CADPS2: variants seen among roughly 807,000 people sequenced by gnomAD.
CADPS2 encodes calcium-dependent secretion activator 2.
A neutral mutation model predicts 172.5 loss-of-function variants in CADPS2; 93 were observed. That is an observed-to-expected ratio of 0.54 (90% confidence interval 0.46 to 0.64). The LOEUF is 0.64. Among genes scored for constraint, CADPS2 ranks in the 30% least tolerant of loss-of-function variants. The probability of loss-of-function intolerance (pLI) is 0.00; values close to 1 mark genes in which losing one functional copy is unlikely to be tolerated. For synonymous variants in CADPS2, 546 were observed against 555.2 expected (o/e 0.98, Z 0.23); for missense variants, 1,420 against 1,565.9 (o/e 0.91, Z 1.57).
chr7:122,670,459 C>T (rs1218731180), intron 2 of CADPS2, among the ~76,000 whole-genome samples: 2 of 149,038 alleles, frequency 1.3e-5, no homozygotes, highest in Non-Finnish European at 3.0e-5. Context: ...TAGTCCCAGC[C>T]ACTCGGGAGG....
intron 13 of CADPS2, among the ~76,000 whole-genome samples, chr7:122,472,833 A>G (rs2056154079): frequency 6.6e-6 from 1 of 152,036 alleles, no homozygotes; most frequent in South Asian, 2.1e-4. Flanking sequence ...GAATTAATGA[A>G]CTGTTAGTGT....
chr7:122,553,478 T>G (rs1037557239), intron 8 of CADPS2, among the ~76,000 whole-genome samples: 28 of 152,132 alleles, frequency 1.8e-4, no homozygotes, highest in Non-Finnish European at 3.8e-4. Flanking sequence ...GCCCACCCTC[T>G]CATGTACTTT....
chr7:122,655,487 T>C (rs2430044), intron 3 of CADPS2, among the ~76,000 whole-genome samples: 80,920 of 151,974 alleles, frequency 0.53, 21,807 homozygotes, highest in East Asian at 0.73. Context: ...GGTAGCATTT[T>C]TTAAAACAAG....
chr7:122,363,325 A>C (rs1429977555), intron 25 of CADPS2, among the ~76,000 whole-genome samples: 1 of 152,200 alleles, frequency 6.6e-6, no homozygotes, highest in Non-Finnish European at 1.5e-5. Context: ...GTTACTAGAC[A>C]GCTTGAACCA....
At chr7:122,706,628 GTA>G (rs139124770) in intron 2 of CADPS2, among the ~76,000 whole-genome samples, 12 of 145,486 alleles carry the variant, frequency 8.2e-5, no homozygotes, top group South Asian at 2.1e-4. Flanking sequence ...GTGTGTGTGT[GTA>G]TATATATATA....
chr7:122,391,346 G>A (rs1470415468), intron 22 of CADPS2, among the ~76,000 whole-genome samples: 1 of 151,886 alleles, frequency 6.6e-6, no homozygotes, highest in Non-Finnish European at 1.5e-5. Context: ...TTAAAAAAGG[G>A]CCCTCAATAA....
chr7:122,615,172 C>A lies in CADPS2; in HGVS notation c.1223+9G>T. ...AACAACAATAATACACTTTTTTCAA[C>A]TGGCTTACTGTGGCCTTGAGGCTTC... is the stretch of plus-strand genomic sequence containing the variant. On this transcript the variant is annotated intron_variant, in intron 6 of 29. Transcript: ENST00000449022. 1 of 1,470,354 alleles carries A rather than the reference C, an allele frequency of 6.8e-7. No individual in the cohort carries two copies. The highest frequency in any genetic ancestry group is 9.2e-7 in the Non-Finnish European group (1 of 1,086,744). 91.1% of individuals were successfully genotyped at this position (1,470,354 alleles called of 1,614,324 possible).
chr7:122,467,245 C>T (rs1343559264), intron 14 of CADPS2, among the ~76,000 whole-genome samples: 1 of 152,146 alleles, frequency 6.6e-6, no homozygotes, highest in Non-Finnish European at 1.5e-5. Flanking sequence ...CCATTTACAA[C>T]GTGTGTGTCA....
chr7:122,597,511 G>A (rs2072018184), intron 6 of CADPS2, among the ~76,000 whole-genome samples: 1 of 152,048 alleles, frequency 6.6e-6, no homozygotes, highest in African/African-American at 2.4e-5. Context: ...TGTATGCCCT[G>A]TGTCAGTAGA....
intron 28 of CADPS2, among the ~76,000 whole-genome samples, chr7:122,335,608 G>A (rs920945547): frequency 1.3e-5 from 2 of 152,198 alleles, no homozygotes; most frequent in African/African-American, 4.8e-5. Flanking sequence ...GTATGGGAAA[G>A]TTATATATTA....
chr7:122,879,407 G>A (rs772817117), intron 1 of CADPS2, among the ~76,000 whole-genome samples: 5 of 150,706 alleles, frequency 3.3e-5, no homozygotes, highest in South Asian at 2.1e-4. Context: ...ACGGTGGCAC[G>A]TGCCTGTAGT....
At chr7:122,384,871 G>A (rs929584397) in intron 24 of CADPS2, among the ~76,000 whole-genome samples, 2 of 152,024 alleles carry the variant, frequency 1.3e-5, no homozygotes, top group African/African-American at 4.8e-5. Flanking sequence ...ACAGCAAGTT[G>A]TTTCTTACAG....
chr7:122,397,467 G>A (rs575792314), intron 20 of CADPS2, among the ~76,000 whole-genome samples: 1 of 137,782 alleles, frequency 7.3e-6, no homozygotes, highest in African/African-American at 2.7e-5. Context: ...GAGGAGGGGT[G>A]GGGGAGGGAC....
At chr7:122,787,665 G>C (rs756509286) in intron 1 of CADPS2, among the ~76,000 whole-genome samples, 9 of 145,556 alleles carry the variant, frequency 6.2e-5, no homozygotes, top group Non-Finnish European at 1.4e-4. Context: ...TAAGTGCCTA[G>C]TGCAATGCAA....
At chr7:122,852,496 G>A (rs1012154191) in intron 1 of CADPS2, among the ~76,000 whole-genome samples, 5 of 152,132 alleles carry the variant, frequency 3.3e-5, no homozygotes, top group African/African-American at 1.2e-4. Context: ...TATGTGGGTG[G>A]GGCAGGGTGT....
chr7:122,868,695 C>T (rs1313832418), intron 1 of CADPS2, among the ~76,000 whole-genome samples: 1 of 152,052 alleles, frequency 6.6e-6, no homozygotes, highest in Admixed American at 6.6e-5. Flanking sequence ...GAAAGATGTT[C>T]CAAATAAAAG....
chr7:122,356,651 T>C (rs931132151), intron 27 of CADPS2, among the ~76,000 whole-genome samples: 1 of 152,224 alleles, frequency 6.6e-6, no homozygotes, highest in East Asian at 1.9e-4. Context: ...CTCCCCATTA[T>C]GTACTTCAAT....
At position 122,392,401 on chromosome 7, in the gene CADPS2, T is replaced by TAA. The variant is rs1554489800; in HGVS notation, c.3008+793_3008+794dup. On this transcript the variant is annotated intron_variant, in intron 22 of 29. Transcript: ENST00000449022. Reference sequence around the variant, plus strand: ...ATGCCTCAATACAGTTTTTTTTTTTTAAATCATCACAAAAACATCTTTCAT... The same window carrying TAA: ...ATGCCTCAATACAGTTTTTTTTTTTTAAAAATCATCACAAAAACATCTTTCAT... 4.2e-3 allele frequency among the ~76,000 whole-genome samples: 631 copies of TAA among 151,550 alleles called. 6 individuals are homozygous for TAA. Among genetic ancestry groups the TAA allele is most frequent in the African/African-American group, 0.014 (596 of 41,238 alleles).
At chr7:122,819,869 C>G (rs1802629558) in intron 1 of CADPS2, among the ~76,000 whole-genome samples, 1 of 152,174 alleles carries the variant, frequency 6.6e-6, no homozygotes, top group African/African-American at 2.4e-5. Flanking sequence ...CCCTTACCAT[C>G]TCATTAAAAC....
Sources: gnomAD v4.1 joint callset for allele counts (sites outside exome capture counted in the v4.1 genomes callset) on GRCh38, gnomAD v4.1.1 for gene constraint, MANE v1.5 for transcripts, NCBI Gene and HGNC (gene_info 2026-07-23, HGNC 2026-07-21) for gene names.